Variants in L3MBTL1 observed in about 807,000 individuals in gnomAD.
L3MBTL1 encodes lethal(3)malignant brain tumor-like protein 1.
A neutral mutation model predicts 105.3 loss-of-function variants in L3MBTL1; 75 were observed. The observed-to-expected ratio is 0.71, with a 90% CI of 0.59 to 0.86. L3MBTL1 has a LOEUF of 0.86. L3MBTL1 is among the 40% of genes least tolerant of loss of function. The pLI is 0.00. For synonymous variants in L3MBTL1, 452 were observed against 436.2 expected (o/e 1.04, Z -0.45); for missense variants, 1,069 against 1,126.4 (o/e 0.95, Z 0.73).
chr20:43,534,641 G>A, intron 15 of L3MBTL1, 187 bp from the exon 16 acceptor site: 2 of 608,708 alleles, frequency 3.3e-6, no homozygotes, highest in Non-Finnish European at 5.8e-6. Context: ...AGTGGGAGAT[G>A]CCAGTAACTT....
intron 14 of L3MBTL1, 90 bp from the exon 15 acceptor site, chr20:43,534,194 G>C: frequency 6.5e-7 from 1 of 1,529,902 alleles, no homozygotes; most frequent in African/African-American, 1.4e-5. Context: ...GCAGGCCCCA[G>C]TTTCCCCAGG....
At chr20:43,549,340 T>G (rs1978835395) in exon 19 of L3MBTL1, 1 of 152,274 alleles carries the variant, frequency 6.6e-6, no homozygotes, top group African/African-American at 2.4e-5. Context: ...AACCTGTCCC[T>G]TAAATGTTGA....
chr20:43,540,727 T>G, intron 20 of L3MBTL1, 26 bp from the exon 21 acceptor site: 1 of 1,613,208 alleles, frequency 6.2e-7, no homozygotes, highest in Non-Finnish European at 8.5e-7. Context: ...TGTCCCCTGG[T>G]CAACATGTCA....
At chr20:43,509,558 A>G (rs182599170) in intron 1 of L3MBTL1, among the ~76,000 whole-genome samples, 208 of 152,278 alleles carry the variant, frequency 1.4e-3, no homozygotes, top group African/African-American at 4.9e-3. Flanking sequence ...CCATCTACAC[A>G]TGCTGGTCTT....
intron 19 of L3MBTL1, chr20:43,539,949 G>C: frequency 1.5e-6 from 1 of 654,814 alleles, no homozygotes; most frequent in Non-Finnish European, 2.8e-6. Context: ...GTCTTTAAGA[G>C]AGTCACTTTA....
At chr20:43,543,923 G>A (rs1978402119), downstream of L3MBTL1, among the ~76,000 whole-genome samples, 1 of 152,176 alleles carries the variant, frequency 6.6e-6, no homozygotes, top group South Asian at 2.1e-4. Context: ...TTTGTGCCTG[G>A]CCTTGTATAA....
intron 1 of L3MBTL1, 95 bp from the exon 2 acceptor site, chr20:43,513,381 T>C (rs935178213): frequency 1.6e-6 from 2 of 1,289,306 alleles, no homozygotes; most frequent in Non-Finnish European, 2.1e-6. Context: ...TGAAGGTGGC[T>C]AGCTTCTCAA....
At chr20:43,514,836 GCC>G in intron 4 of L3MBTL1, 60 bp downstream of exon 4, 1 of 1,482,178 alleles carries the variant, frequency 6.7e-7, no homozygotes, top group African/African-American at 1.4e-5. Flanking sequence ...CGAGGCCTGA[GCC>G]CCAGAAGGTT....
At chr20:43,527,846 A>G (rs1046536131) in intron 7 of L3MBTL1, among the ~76,000 whole-genome samples, 1 of 152,006 alleles carries the variant, frequency 6.6e-6, no homozygotes, top group Non-Finnish European at 1.5e-5. Flanking sequence ...CAGCCTCCCA[A>G]GTAGCTGGGA....
intron 11 of L3MBTL1, 45 bp from the exon 12 acceptor site, chr20:43,532,728 T>A: frequency 6.2e-7 from 1 of 1,611,976 alleles, no homozygotes; most frequent in African/African-American, 1.3e-5. Flanking sequence ...GGGCTGGTCT[T>A]AGCCAGCTTG....
In L3MBTL1 at chr20:43,512,093, G is replaced by T. The variant is rs181186219; in HGVS notation, c.-28-1383G>T. 3.3e-5 allele frequency among the ~76,000 whole-genome samples: 5 copies of T among 152,316 alleles called. No individual in the cohort carries two copies. The East Asian group carries it at 9.6e-4, about 29-fold the overall frequency. ...GTAAGGGCAATAGAGAGCCACTGAA[G>T]AATTTAGATAGGGAAATTATGTGAT... On this transcript the variant is annotated intron_variant, in intron 1 of 21. Transcript: ENST00000418998.
chr20:43,514,486 A>G (rs1189777902), intron 3 of L3MBTL1, 149 bp from the exon 4 acceptor site: 2 of 1,532,580 alleles, frequency 1.3e-6, no homozygotes, highest in Admixed American at 2.0e-5. Context: ...TGGCTGGTGT[A>G]GCTTGGAGTG....
intron 7 of L3MBTL1, among the ~76,000 whole-genome samples, chr20:43,519,006 A>G (rs1021953331): frequency 1.3e-5 from 2 of 151,084 alleles, no homozygotes; most frequent in Non-Finnish European, 2.9e-5. Context: ...AACCTAGGCA[A>G]CAGACCAAGA....
At chr20:43,519,989 G>A (rs369728118) in intron 7 of L3MBTL1, among the ~76,000 whole-genome samples, 3 of 150,934 alleles carry the variant, frequency 2.0e-5, no homozygotes, top group South Asian at 2.1e-4. Context: ...ATTCAGTGGG[G>A]TTTTTTTTTG....
At chr20:43,523,074 T>C (rs2018820446) in intron 7 of L3MBTL1, among the ~76,000 whole-genome samples, 1 of 151,246 alleles carries the variant, frequency 6.6e-6, no homozygotes, top group Non-Finnish European at 1.5e-5. Context: ...GCCACTGCAC[T>C]CCAGCCTGGG....
chr20:43,527,427 G>T (rs546563249), intron 7 of L3MBTL1, among the ~76,000 whole-genome samples: 5 of 152,254 alleles, frequency 3.3e-5, no homozygotes, highest in African/African-American at 1.2e-4. Flanking sequence ...TCTGTTAGAG[G>T]CTAGGACTCC....
At chr20:43,515,982 T>A in intron 6 of L3MBTL1, 111 bp from the exon 7 acceptor site, 1 of 760,716 alleles carries the variant, frequency 1.3e-6, no homozygotes, top group East Asian at 2.6e-5. Flanking sequence ...TCTGCCTGTT[T>A]GGGGCAGAAC....
At chr20:43,509,576 A>G (rs770533242) in intron 1 of L3MBTL1, among the ~76,000 whole-genome samples, 1 of 152,184 alleles carries the variant, frequency 6.6e-6, no homozygotes, top group Non-Finnish European at 1.5e-5. Flanking sequence ...CTTCAAATTT[A>G]TACCTCCAGC....
chr20:43,519,811 T>C (rs935284360), intron 7 of L3MBTL1, among the ~76,000 whole-genome samples: 3 of 152,204 alleles, frequency 2.0e-5, no homozygotes, highest in African/African-American at 7.2e-5. Flanking sequence ...TTTTGTTTTT[T>C]CTAAATGGTG....
Sources: allele counts gnomAD v4.1 joint callset (sites outside exome capture counted in the v4.1 genomes callset), GRCh38; gene constraint gnomAD v4.1.1; transcripts MANE v1.5; gene names NCBI Gene and HGNC (gene_info 2026-07-23, HGNC 2026-07-21).